The following PCNX2 variants were observed in gnomAD, a reference collection of about 807,000 sequenced individuals.
PCNX2 encodes pecanex-like protein 2.
In PCNX2, 168 loss-of-function variants were observed where a neutral mutation model predicts 223.8. That is an observed-to-expected ratio of 0.75 (90% CI 0.66 to 0.85). The LOEUF (loss-of-function observed/expected upper bound fraction) is 0.85, where lower values mean the gene tolerates loss of function less well. Among genes scored for constraint, PCNX2 ranks in the 40% least tolerant of loss-of-function variants. PCNX2 has a pLI of 0.00. For synonymous variants in PCNX2, 1,006 were observed against 1,052.6 expected (o/e 0.96, Z 0.86); for missense variants, 2,507 against 2,675.5 (o/e 0.94, Z 1.39).
chr1:233,064,748 T>A (rs1436289342), intron 23 of PCNX2, among the ~76,000 whole-genome samples: 1 of 152,144 alleles, frequency 6.6e-6, no homozygotes, highest in African/African-American at 2.4e-5. Context: ...AATTTTACCA[T>A]CTATCATTTT....
chr1:232,985,801 T>C, intron 33 of PCNX2: 1 of 597,266 alleles, frequency 1.7e-6, no homozygotes, highest in Non-Finnish European at 3.0e-6. Flanking sequence ...CATGCCCCGG[T>C]GTAGGGCAGA....
At chr1:233,084,279 C>A (rs375129929) in intron 23 of PCNX2, among the ~76,000 whole-genome samples, 2 of 152,124 alleles carry the variant, frequency 1.3e-5, no homozygotes, top group Non-Finnish European at 2.9e-5. Context: ...TTAAGTAGAA[C>A]CAATTATTTC....
chr1:233,055,268 C>T (rs187086615), intron 24 of PCNX2, among the ~76,000 whole-genome samples: 1 of 152,312 alleles, frequency 6.6e-6, no homozygotes, highest in East Asian at 1.9e-4. Context: ...ATTCTGCATC[C>T]TTGCCAGGAC....
At chr1:233,179,242 C>T (rs1217965632) in intron 15 of PCNX2, 67 bp from the exon 16 acceptor site, 5 of 1,504,460 alleles carry the variant, frequency 3.3e-6, no homozygotes, top group Non-Finnish European at 4.6e-6. Flanking sequence ...CTCTATCAGA[C>T]ATTTAGAAAT....
At chr1:233,250,968 C>G in intron 7 of PCNX2, 136 bp from the exon 8 acceptor site, 1 of 901,878 alleles carries the variant, frequency 1.1e-6, no homozygotes, top group South Asian at 2.0e-5. Flanking sequence ...GGGGTCCATT[C>G]TTTATATTTC....
At chr1:233,310,023 T>C in the PCNX2 span, among the ~76,000 whole-genome samples, 2 of 152,216 alleles carry the variant, frequency 1.3e-5, no homozygotes, top group African/African-American at 4.8e-5. Context: ...ATAATTGATA[T>C]GTGTATGTCA....
the PCNX2 span, among the ~76,000 whole-genome samples, chr1:233,307,407 C>T: frequency 6.1e-3 from 923 of 152,254 alleles, 19 homozygotes; most frequent in East Asian, 0.064. Flanking sequence ...TGCTCTCTCA[C>T]GCCATGTGAC....
intron 33 of PCNX2, 111 bp downstream of exon 33, chr1:232,985,981 G>A (rs1669458834): frequency 8.4e-7 from 1 of 1,195,168 alleles, no homozygotes; most frequent in Non-Finnish European, 1.2e-6. Context: ...TAGAGAAGGG[G>A]ATGGGGTTCT....
intron 20 of PCNX2, among the ~76,000 whole-genome samples, chr1:233,138,477 G>A (rs756035272): frequency 1.1e-4 from 16 of 152,152 alleles, no homozygotes; most frequent in Admixed American, 1.3e-4. Flanking sequence ...TTGAATATGT[G>A]TTCCCATTCG....
At chr1:233,112,504 C>T (rs1005753542) in intron 21 of PCNX2, among the ~76,000 whole-genome samples, 1 of 152,240 alleles carries the variant, frequency 6.6e-6, no homozygotes, top group Non-Finnish European at 1.5e-5. Flanking sequence ...GCACACCTTA[C>T]TTCCCTGCTC....
intron 17 of PCNX2, among the ~76,000 whole-genome samples, chr1:233,165,119 TCA>T (rs1480589913): frequency 6.6e-6 from 1 of 152,154 alleles, no homozygotes; most frequent in Non-Finnish European, 1.5e-5. Context: ...TATGAAAACA[TCA>T]CAGTGTACCC....
At chr1:233,288,508 G>A (rs530749526) in intron 1 of PCNX2, among the ~76,000 whole-genome samples, 35 of 152,282 alleles carry the variant, frequency 2.3e-4, no homozygotes, top group African/African-American at 8.2e-4. Context: ...CCTGCCCACC[G>A]ACATGCATGT....
chr1:232,997,212 G>A (rs1015267508), intron 32 of PCNX2, among the ~76,000 whole-genome samples: 1 of 152,104 alleles, frequency 6.6e-6, no homozygotes, highest in Non-Finnish European at 1.5e-5. Context: ...TTTTTCCTGG[G>A]CACCTCTTTA....
At chr1:233,204,669 T>C (rs1558340985) in intron 13 of PCNX2, among the ~76,000 whole-genome samples, 1 of 152,254 alleles carries the variant, frequency 6.6e-6, no homozygotes, top group Non-Finnish European at 1.5e-5. Flanking sequence ...TTCTCTCCCA[T>C]TTGTTCTAAA....
rs541898100 is a variant in PCNX2, at chr1:233,192,903, T to C, written c.3066+6036A>G. The stretch of plus-strand genomic sequence containing the variant: ...TATGCCTGCAGATAACAATACTGAA[T>C]TGCACACAAAAAGTTAAAAGGATAG... On this transcript the variant is annotated intron_variant, in intron 15 of 33. Coordinates refer to ENST00000258229, the MANE Select transcript of PCNX2 (RefSeq NM_014801.4). Among the ~76,000 whole-genome samples, 4 of 150,474 alleles carry C rather than the reference T, an allele frequency of 2.7e-5. No individual in the cohort carries two copies. The East Asian group carries it at 7.7e-4, about 29-fold the overall frequency.
At position 233,202,663 on chromosome 1, in the gene PCNX2, G is replaced by A. The variant is rs1572068253; in HGVS notation, c.2864-2399C>T. Among the ~76,000 whole-genome samples the A allele has an allele frequency of 2.6e-5, 4 of 152,292 alleles. 1 individual carries two copies. The South Asian group carries it at 8.3e-4, about 32-fold the overall frequency. On this transcript the variant is annotated intron_variant, in intron 13 of 33. Transcript: ENST00000258229. ...TGGGACGTCTGGGTGTTTAGGGAAA[G>A]GTGAGTACAATCCAGTGATTTGTTC...
intron 17 of PCNX2, among the ~76,000 whole-genome samples, chr1:233,169,644 C>CAAAAAA (rs200439765): frequency 2.9e-5 from 2 of 68,886 alleles, no homozygotes; most frequent in African/African-American, 5.7e-5. Flanking sequence ...AACTCCGTCT[C>CAAAAAA]AAAAAAAAAA....
chr1:233,204,270 C>T (rs973999748), intron 13 of PCNX2, among the ~76,000 whole-genome samples: 7 of 152,138 alleles, frequency 4.6e-5, no homozygotes, highest in African/African-American at 7.2e-5. Flanking sequence ...CCAAGGAGAA[C>T]GGCCTGGAAC....
chr1:233,022,817 C>A (rs1474461337), intron 26 of PCNX2, among the ~76,000 whole-genome samples: 1 of 151,714 alleles, frequency 6.6e-6, no homozygotes, highest in Non-Finnish European at 1.5e-5. Flanking sequence ...CCTGCCTCAG[C>A]CTCCCGAATA....
Sources: allele counts gnomAD v4.1 joint callset (sites outside exome capture counted in the v4.1 genomes callset), GRCh38; gene constraint gnomAD v4.1.1; transcripts MANE v1.5; gene names NCBI Gene and HGNC (gene_info 2026-07-23, HGNC 2026-07-21).